CPNE7: variants seen among roughly 807,000 people sequenced by gnomAD.
CPNE7 encodes copine-7.
CPNE7 carries 78 observed loss-of-function variants against 66.5 expected under a neutral mutation model. The ratio of observed to expected loss-of-function variants is 1.17; its 90% CI spans 0.98 to 1.42. CPNE7 has a LOEUF of 1.42. Among genes scored for constraint, CPNE7 ranks in the 40% most tolerant of loss-of-function variants. The pLI is 0.00. For synonymous variants in CPNE7, 468 were observed against 336.7 expected (o/e 1.39, Z -4.27); for missense variants, 1,012 against 776.6 (o/e 1.30, Z -3.60).
chr16:89,577,411 G>T (rs2058876905), intron 1 of CPNE7, 128 bp from the exon 2 acceptor site: 1 of 927,890 alleles, frequency 1.1e-6, no homozygotes, highest in Admixed American at 2.5e-5. Context: ...AGAGCAGGCA[G>T]GAGGTCTTCC....
At chr16:89,587,722 C>A (rs71374184) in intron 9 of CPNE7, 5 of 120,596 alleles carry the variant, frequency 4.1e-5, no homozygotes, top group Non-Finnish European at 7.8e-5. Context: ...CATAGCACCC[C>A]CGTGTCACCC....
chr16:89,582,349 G>A (rs1450878607), intron 2 of CPNE7, among the ~76,000 whole-genome samples: 4 of 152,326 alleles, frequency 2.6e-5, no homozygotes, highest in East Asian at 1.9e-4. Flanking sequence ...ACAAATCAGC[G>A]ATCTCGTATT....
chr16:89,595,634 C>G, intron 14 of CPNE7, 31 bp downstream of exon 14: 5 of 1,564,244 alleles, frequency 3.2e-6, no homozygotes, highest in Non-Finnish European at 4.4e-6. Flanking sequence ...CCGTCAAGGC[C>G]GGCTTGGGGG....
rs1035361979 is a variant in CPNE7 at position 89,589,320 on chromosome 16, T to C, written c.1061+512T>C. ...AAAAAGAGACTCTGCGAGGAAGGGC[T>C]GGGTAGCCCTACTGGAGGCTGCCGC... On this transcript the variant is annotated intron_variant, in intron 10 of 14. Transcript: ENST00000319518. Among the ~76,000 whole-genome samples, 10 of 152,262 alleles carry C rather than the reference T, an allele frequency of 6.6e-5. No homozygotes were observed. In the South Asian group the frequency reaches 1.9e-3, roughly 28 times the overall value.
chr16:89,596,701 A>G lies in CPNE7; in HGVS notation c.*80A>G, dbSNP rs1264787537. 23 of 1,414,404 alleles carry G rather than the reference A, an allele frequency of 1.6e-5. No individual in the cohort carries two copies. The highest frequency in any genetic ancestry group is 2.0e-5 in the Non-Finnish European group (22 of 1,083,728). 87.6% of individuals were successfully genotyped at this position (1,414,404 alleles called of 1,614,324 possible). On this transcript the variant is annotated 3_prime_UTR_variant, in exon 15 of 15. Transcript: ENST00000319518. Reference sequence around the variant, plus strand: ...TCTGCAACATGCTTGGGGTCCCTTAAGCTCCCTCCGACCTCCCAGAAGCCT... The same window carrying G: ...TCTGCAACATGCTTGGGGTCCCTTAGGCTCCCTCCGACCTCCCAGAAGCCT...
At chr16:89,593,994 A>G (rs2059214098) in intron 13 of CPNE7, 1 of 150,934 alleles carries the variant, frequency 6.6e-6, no homozygotes, top group East Asian at 2.0e-4. Flanking sequence ...CCTAACCACC[A>G]CTCCTGGCAT....
In CPNE7 at chr16:89,587,027, C is replaced by T; in HGVS notation, c.868-16C>T. 6.4e-7 allele frequency: 1 copy of T among 1,572,680 alleles called. No homozygotes were observed. The highest frequency in any genetic ancestry group is 8.6e-7 in the Non-Finnish European group (1 of 1,158,742). ...TGTCCCTGGCGGGGGTGGACGCTGA[C>T]TCCGCCGGCCGGAAGTTCCACAGGG... On this transcript the variant is annotated splice_polypyrimidine_tract_variant and intron_variant, in intron 8 of 14. Transcript: ENST00000319518.
intron 2 of CPNE7, chr16:89,583,327 G>C: frequency 3.0e-6 from 3 of 989,728 alleles, no homozygotes; most frequent in Non-Finnish European, 4.7e-6. Context: ...GAGAGGGTCA[G>C]GGCAGCCCTG....
At position 89,576,028 on chromosome 16, in the gene CPNE7, C is replaced by T; in HGVS notation, c.131C>T (p.Pro44Leu). Residue 44 changes from proline to leucine, a missense_variant, in exon 1 of 15, where the codon CCC (proline) becomes CTC (leucine). Transcript: ENST00000319518. ...LDRDPLTKSDPSVALLQQAQG... is the reference protein window; with the variant it reads ...LDRDPLTKSDLSVALLQQAQG... ...CGCGACCCGCTCACCAAGTCCGACC[C>T]CAGCGTGGCGTTGCTGCAGCAGGCG... is the stretch of plus-strand genomic sequence containing the variant. The T allele has an allele frequency of 7.4e-7, 1 of 1,343,990 alleles. No individual in the cohort carries two copies. The highest frequency in any genetic ancestry group is 1.8e-5 in the South Asian group (1 of 55,510). The allele number at this position is 1,343,990 out of a possible 1,614,324, so 83.3% of individuals were successfully genotyped here. A position where few individuals can be genotyped will look rare whatever the true frequency, so the allele number is the denominator to read the frequency against.
chr16:89,595,868 C>A, intron 14 of CPNE7: 1 of 620,168 alleles, frequency 1.6e-6, no homozygotes, highest in South Asian at 1.5e-5. Context: ...ATCCACCACG[C>A]GGCTTCCCCC....
At chr16:89,586,919 G>A (rs2059050613) in intron 8 of CPNE7, 124 bp from the exon 9 acceptor site, 2 of 1,097,150 alleles carry the variant, frequency 1.8e-6, no homozygotes, top group African/African-American at 1.6e-5. Flanking sequence ...AGAGGATGGG[G>A]GAGAGGAGAG....
At chr16:89,595,741 C>G in intron 14 of CPNE7, 138 bp downstream of exon 14, 2 of 812,286 alleles carry the variant, frequency 2.5e-6, no homozygotes, top group Non-Finnish European at 4.2e-6. Context: ...CTGGGCTGTT[C>G]CCCCCAGTCA....
At chr16:89,588,875 C>CT in intron 10 of CPNE7, 67 bp downstream of exon 10, 1 of 1,582,998 alleles carries the variant, frequency 6.3e-7, no homozygotes, top group Non-Finnish European at 8.6e-7. Flanking sequence ...GCCTGGCCGT[C>CT]TTCCCCCTCA....
chr16:89,589,100 T>C (rs769210566), intron 10 of CPNE7, among the ~76,000 whole-genome samples: 12 of 152,204 alleles, frequency 7.9e-5, no homozygotes, highest in Non-Finnish European at 8.8e-5. Flanking sequence ...GAGACCAGCC[T>C]GGCCAACATG....
Position 89,584,756 on chromosome 16 carries a change from C to T in CPNE7, c.508-18C>T. ...ATCTCACAGTGCCTGGCCCAGCAGC[C>T]CTTGTGCCTCTCCCCAGGACCTCTT... On this transcript the variant is annotated intron_variant, in intron 4 of 14. Coordinates refer to ENST00000319518, the MANE Select transcript of CPNE7 (RefSeq NM_153636.3). The surrounding 1 kb of genome is among the most constrained non-coding windows in gnomAD (Gnocchi z 6.0). 2.5e-6 allele frequency: 4 copies of T among 1,604,222 alleles called. No homozygotes were observed. The highest frequency in any genetic ancestry group is 2.2e-5 in the East Asian group (1 of 44,790).
At position 89,587,941 on chromosome 16, in the gene CPNE7, ACACGGCCCCCCGTGTTACCCACAGAT is replaced by A. The variant is rs2059100468; in HGVS notation, c.928-733_928-708del. 1.2e-4 allele frequency among the ~76,000 whole-genome samples: 3 copies of A among 26,012 alleles called. 1 individual carries two copies. The East Asian group carries it at 2.4e-3, about 21-fold the overall frequency. The allele number at this position is 26,012 out of a possible 152,430, so 17.1% of individuals were successfully genotyped here. ...TGTCACCCGCGTGTCACCCACAGAT[ACACGGCCCCCCGTGTTACCCACAGAT>A]ACACGGCCCCCGTGTCACCCACAGA... On this transcript the variant is annotated intron_variant, in intron 9 of 14. Coordinates refer to ENST00000319518, the MANE Select transcript of CPNE7 (RefSeq NM_153636.3).
chr16:89,587,101 C>T lies in CPNE7; in HGVS notation c.926C>T (p.Thr309Ile). 6.4e-7 allele frequency: 1 copy of T among 1,558,386 alleles called. No individual in the cohort carries two copies. The highest frequency in any genetic ancestry group is 1.4e-5 in the African/African-American group (1 of 73,358). ...YIMGGCQIHF[T>I]VAIDFTASNG... ...ATGGGCGGCTGCCAGATCCACTTCA[C>T]CGTGAGTCCATGGCCCCGCCCCATG... The change falls in exon 9 of 15, where the codon ACC becomes ATC. Residue 309 changes from threonine (T) to isoleucine (I), a missense_variant and splice_region_variant. Transcript: ENST00000319518.
chr16:89,588,875 C>G, intron 10 of CPNE7, 67 bp downstream of exon 10: 1 of 1,582,998 alleles, frequency 6.3e-7, no homozygotes, highest in African/African-American at 1.4e-5. Flanking sequence ...GCCTGGCCGT[C>G]TTCCCCCTCA....
At chr16:89,578,718 C>G (rs1281836485) in intron 2 of CPNE7, 2 of 1,270,782 alleles carry the variant, frequency 1.6e-6, no homozygotes, top group East Asian at 2.9e-5. Flanking sequence ...GGAGATCTCA[C>G]CACTGCACTC....
Sources: allele counts gnomAD v4.1 joint callset (sites outside exome capture counted in the v4.1 genomes callset), GRCh38; gene constraint gnomAD v4.1.1; non-coding constraint Gnocchi (gnomAD v3.1); transcripts MANE v1.5; gene names NCBI Gene and HGNC (gene_info 2026-07-23, HGNC 2026-07-21).